The following CACNB4 variants were observed in gnomAD, a reference collection of about 807,000 sequenced individuals.
The protein encoded by CACNB4 is voltage-dependent L-type calcium channel subunit beta-4.
CACNB4 carries 32 observed loss-of-function variants against 71.2 expected under a neutral mutation model. The observed-to-expected ratio is 0.45, with a 90% confidence interval of 0.34 to 0.60. The LOEUF (loss-of-function observed/expected upper bound fraction) is 0.60, where lower values mean the gene tolerates loss of function less well. Ranked by LOEUF, CACNB4 falls within the 20% of genes least tolerant of loss-of-function variation. The pLI, the probability that CACNB4 is intolerant of heterozygous loss-of-function variation, is 0.01. For synonymous variants in CACNB4, 231 were observed against 236.9 expected (o/e 0.97, Z 0.23); for missense variants, 464 against 647.9 (o/e 0.72, Z 3.08).
chr2:151,928,015 G>A (rs2099860683), intron 2 of CACNB4, among the ~76,000 whole-genome samples: 1 of 152,202 alleles, frequency 6.6e-6, no homozygotes, highest in Admixed American at 6.5e-5. Flanking sequence ...AGCACAAGCT[G>A]GAGCTGGGTA....
At chr2:151,994,252 C>T (rs1313744694) in intron 2 of CACNB4, among the ~76,000 whole-genome samples, 1 of 151,680 alleles carries the variant, frequency 6.6e-6, no homozygotes, top group Non-Finnish European at 1.5e-5. Context: ...TTTTTTCAGA[C>T]ACTGTCTCAC....
intron 2 of CACNB4, among the ~76,000 whole-genome samples, chr2:152,091,497 C>T (rs374215421): frequency 6.6e-6 from 1 of 151,904 alleles, no homozygotes; most frequent in Non-Finnish European, 1.5e-5. Context: ...TAGCCAGATG[C>T]GGTGGCATGC....
chr2:151,865,625 A>C (rs942871139), intron 9 of CACNB4, among the ~76,000 whole-genome samples: 1 of 152,198 alleles, frequency 6.6e-6, no homozygotes, highest in Non-Finnish European at 1.5e-5. Context: ...ATCCCCAATT[A>C]ATATTTGTGG....
chr2:152,007,504 G>A (rs910874176), intron 2 of CACNB4, among the ~76,000 whole-genome samples: 10 of 152,160 alleles, frequency 6.6e-5, no homozygotes, highest in South Asian at 2.1e-4. Flanking sequence ...TTCACTTAGC[G>A]TAATGTCTTC....
At chr2:152,035,665 A>G (rs889956745) in intron 2 of CACNB4, among the ~76,000 whole-genome samples, 79 of 141,716 alleles carry the variant, frequency 5.6e-4, no homozygotes, top group Non-Finnish European at 7.3e-4. Flanking sequence ...ATATATATAT[A>G]TATGTATGTA....
chr2:152,084,926 A>G (rs970227506), intron 2 of CACNB4, among the ~76,000 whole-genome samples: 1 of 152,084 alleles, frequency 6.6e-6, no homozygotes, highest in Non-Finnish European at 1.5e-5. Flanking sequence ...CATAATGTCA[A>G]TGTATACCCA....
chr2:151,957,200 C>A (rs1232355232), intron 2 of CACNB4, among the ~76,000 whole-genome samples: 1 of 150,118 alleles, frequency 6.7e-6, no homozygotes, highest in Non-Finnish European at 1.5e-5. Context: ...ACCTGCTAAC[C>A]CCCAATTTTA....
At chr2:152,011,723 T>C (rs986338685) in intron 2 of CACNB4, among the ~76,000 whole-genome samples, 6 of 152,194 alleles carry the variant, frequency 3.9e-5, no homozygotes, top group Non-Finnish European at 7.3e-5. Context: ...GCTGCCACTT[T>C]TGGGGTGACT....
chr2:151,955,375 T>G (rs569839699), intron 2 of CACNB4, among the ~76,000 whole-genome samples: 4 of 152,212 alleles, frequency 2.6e-5, no homozygotes, highest in Non-Finnish European at 5.9e-5. Flanking sequence ...TCTCTACCCT[T>G]GCATAGTTGG....
intron 2 of CACNB4, among the ~76,000 whole-genome samples, chr2:151,957,255 GGCGTGTGT>G (rs1036313278): frequency 2.4e-4 from 6 of 24,942 alleles, no homozygotes; most frequent in African/African-American, 4.2e-4. Context: ...AGAGTGGCTG[GGCGTGTGT>G]GTGTGTGTGT....
chr2:151,971,474 G>T (rs2099872535), intron 2 of CACNB4: 1 of 702,300 alleles, frequency 1.4e-6, no homozygotes, highest in Non-Finnish European at 2.6e-6. Context: ...TCTGAGAAAA[G>T]CCTTTCCACG....
intron 2 of CACNB4, among the ~76,000 whole-genome samples, chr2:151,888,540 G>A (rs1350492821): frequency 6.6e-6 from 1 of 152,112 alleles, no homozygotes; most frequent in African/African-American, 2.4e-5. Flanking sequence ...CACTCTGCCT[G>A]AAACACAGAA....
Position 151,886,687 on chromosome 2 carries a change from TG to T in CACNB4, c.148-3318del, listed in dbSNP as rs556517487. On this transcript the variant is annotated intron_variant, in intron 2 of 13. Transcript: ENST00000539935. ...ATCATTACAACATTTACTTTGTTGT[TG>T]TTTTTTTAATGTCATCTACATTGCT... Among the ~76,000 whole-genome samples, 235 of 152,344 alleles carry T rather than the reference TG, an allele frequency of 1.5e-3. 1 individual carries two copies. Among genetic ancestry groups the T allele is most frequent in the Non-Finnish European group, 1.7e-3 (116 of 68,026 alleles).
At chr2:151,983,337 C>T (rs2099875041) in intron 2 of CACNB4, among the ~76,000 whole-genome samples, 1 of 152,150 alleles carries the variant, frequency 6.6e-6, no homozygotes, top group African/African-American at 2.4e-5. Context: ...GATATAATTT[C>T]TCTTAGTTCT....
intron 2 of CACNB4, among the ~76,000 whole-genome samples, chr2:152,027,717 T>G (rs951528198): frequency 1.3e-5 from 2 of 152,152 alleles, no homozygotes; most frequent in Non-Finnish European, 2.9e-5. Flanking sequence ...CTGGGCTTGG[T>G]GGCGCACGCC....
At chr2:151,915,429 G>A (rs889423285) in intron 2 of CACNB4, among the ~76,000 whole-genome samples, 2 of 152,224 alleles carry the variant, frequency 1.3e-5, no homozygotes, top group African/African-American at 4.8e-5. Flanking sequence ...AGTGCAGGCT[G>A]CTGTCCCTCC....
chr2:151,946,010 G>A (rs2099865492), intron 2 of CACNB4, among the ~76,000 whole-genome samples: 1 of 148,520 alleles, frequency 6.7e-6, no homozygotes, highest in Non-Finnish European at 1.5e-5. Flanking sequence ...TACTATTGTT[G>A]TTGTTATTAT....
intron 2 of CACNB4, among the ~76,000 whole-genome samples, chr2:151,928,310 A>C (rs1248899832): frequency 6.6e-6 from 1 of 152,204 alleles, no homozygotes; most frequent in Non-Finnish European, 1.5e-5. Flanking sequence ...CGCTTTCTAC[A>C]TTTTGTGTTA....
At chr2:151,869,924 T>C (rs1054346379) in intron 8 of CACNB4, 7 of 412,018 alleles carry the variant, frequency 1.7e-5, no homozygotes, top group Non-Finnish European at 2.6e-5. Context: ...GTTCTACCTA[T>C]TTTTTAATCC....
Sources: gnomAD v4.1 joint callset for allele counts (sites outside exome capture counted in the v4.1 genomes callset) on GRCh38, gnomAD v4.1.1 for gene constraint, MANE v1.5 for transcripts, NCBI Gene and HGNC (gene_info 2026-07-23, HGNC 2026-07-21) for gene names.